ACER3: variants seen among roughly 807,000 people sequenced by gnomAD.
ACER3 encodes alkCDase 3.
ACER3 carries 16 observed loss-of-function variants against 48.9 expected under a neutral mutation model. The observed-to-expected ratio is 0.33, with a 90% CI of 0.22 to 0.50. The LOEUF is 0.50. Among genes scored for constraint, ACER3 ranks in the 20% least tolerant of loss-of-function variants. The pLI, the probability that ACER3 is intolerant of heterozygous loss-of-function variation, is 0.98. For missense variants in ACER3, 227 were observed against 326.0 expected, an observed-to-expected ratio of 0.70 and a Z score of 2.34; for synonymous variants, 109 against 107.8, an observed-to-expected ratio of 1.01 and a Z score of -0.07.
Position 76,902,240 on chromosome 11 carries a change from T to G in ACER3, c.104-24317T>G, listed in dbSNP as rs796480919. ...CTAAAATTATCAAACCATCCTATGC[T>G]GGCATTAAATCTCCAGCTTTAGATC... On this transcript the variant is annotated intron_variant, in intron 1 of 10. Coordinates refer to ENST00000532485, the MANE Select transcript of ACER3 (RefSeq NM_018367.7). Among the ~76,000 whole-genome samples the G allele has an allele frequency of 9.8e-5, 15 of 152,306 alleles. No individual in the cohort carries two copies. The South Asian group carries it at 3.1e-3, about 32-fold the overall frequency.
chr11:76,914,963 T>C (rs1278913111), intron 1 of ACER3, among the ~76,000 whole-genome samples: 5 of 152,002 alleles, frequency 3.3e-5, no homozygotes, highest in Admixed American at 6.6e-5. Flanking sequence ...AACCAAACAC[T>C]GCATGTTCTC....
chr11:76,908,079 T>C (rs917768856), intron 1 of ACER3, among the ~76,000 whole-genome samples: 1 of 151,796 alleles, frequency 6.6e-6, no homozygotes, highest in Non-Finnish European at 1.5e-5. Context: ...CTACTAAAAA[T>C]AAAAAAATTA....
chr11:76,953,657 C>T, intron 2 of ACER3, among the ~76,000 whole-genome samples: 1 of 152,088 alleles, frequency 6.6e-6, no homozygotes, highest in Non-Finnish European at 1.5e-5. Flanking sequence ...TTCTTTACCT[C>T]ACTTTTTAAA....
intron 3 of ACER3, among the ~76,000 whole-genome samples, chr11:76,960,106 G>GA (rs1454772028): frequency 6.6e-6 from 1 of 152,230 alleles, no homozygotes; most frequent in African/African-American, 2.4e-5. Flanking sequence ...AGAAATGGGT[G>GA]AAAATAATAA....
intron 2 of ACER3, among the ~76,000 whole-genome samples, chr11:76,934,571 G>A (rs1947121349): frequency 6.6e-6 from 1 of 152,236 alleles, no homozygotes; most frequent in Non-Finnish European, 1.5e-5. Flanking sequence ...TGCAATCGCA[G>A]GCACTCGGCA....
chr11:76,924,583 A>G (rs1011634101), intron 1 of ACER3, among the ~76,000 whole-genome samples: 2 of 152,080 alleles, frequency 1.3e-5, no homozygotes, highest in African/African-American at 4.8e-5. Context: ...CTGGATCTGT[A>G]AATTTAAGAT....
intron 2 of ACER3, among the ~76,000 whole-genome samples, chr11:76,936,721 C>CTTTCT (rs1947196423): frequency 1.4e-5 from 2 of 143,350 alleles, no homozygotes; most frequent in South Asian, 2.2e-4. Context: ...TTCTTTCTTT[C>CTTTCT]TTTTTTTTTT....
chr11:76,867,489 A>G (rs989357912), intron 1 of ACER3, among the ~76,000 whole-genome samples: 9,219 of 126,348 alleles, frequency 0.073, 535 homozygotes, highest in East Asian at 0.13. Context: ...AAAAAAAAAA[A>G]AAAAAAAAGA....
intron 1 of ACER3, among the ~76,000 whole-genome samples, chr11:76,892,682 A>G (rs1222433027): frequency 2.0e-5 from 3 of 152,174 alleles, no homozygotes; most frequent in African/African-American, 7.2e-5. Flanking sequence ...GAGATTTGGG[A>G]ATTTTTTTTA....
chr11:76,927,458 G>GCT (rs1555002653), intron 2 of ACER3, among the ~76,000 whole-genome samples: 4 of 151,506 alleles, frequency 2.6e-5, no homozygotes, highest in Non-Finnish European at 5.9e-5. Context: ...TTTCTATTCT[G>GCT]TTTTTTTTAT....
At chr11:77,016,470 T>C (rs575330712) in intron 8 of ACER3, among the ~76,000 whole-genome samples, 1 of 152,312 alleles carries the variant, frequency 6.6e-6, no homozygotes, top group South Asian at 2.1e-4. Context: ...AGGGTTTAGA[T>C]GACACAGATT....
At chr11:76,937,935 G>T (rs967986139) in intron 2 of ACER3, among the ~76,000 whole-genome samples, 2 of 152,156 alleles carry the variant, frequency 1.3e-5, no homozygotes, top group Non-Finnish European at 2.9e-5. Flanking sequence ...TATGTTTATT[G>T]TTGGTAGTGG....
intron 1 of ACER3, among the ~76,000 whole-genome samples, chr11:76,921,764 T>C (rs1236935911): frequency 6.6e-6 from 1 of 152,170 alleles, no homozygotes; most frequent in East Asian, 1.9e-4. Flanking sequence ...TATTCCTAGA[T>C]ATGTGATGTG....
chr11:76,957,637 T>A (rs1286350903), intron 2 of ACER3: 2 of 267,606 alleles, frequency 7.5e-6, no homozygotes, highest in African/African-American at 4.5e-5. Flanking sequence ...AGAGATGGGG[T>A]TTCACCATGT....
Position 76,933,828 on chromosome 11 carries a change from G to A in ACER3, c.214+7161G>A, listed in dbSNP as rs1429930942. Among the ~76,000 whole-genome samples the A allele has an allele frequency of 5.9e-3, 880 of 149,226 alleles. 7 individuals carry two copies. The highest frequency in any genetic ancestry group is 0.02 in the African/African-American group (818 of 40,514). ...CTCCCAGACGGGGTGGCTGCCGGGC[G>A]GAGGGGCTCCTCACTTCCCAGACGG... On this transcript the variant is annotated intron_variant, in intron 2 of 10. Coordinates refer to ENST00000532485, the MANE Select transcript of ACER3 (RefSeq NM_018367.7).
chr11:76,966,043 T>TA (rs1948129575), intron 3 of ACER3, among the ~76,000 whole-genome samples: 3 of 151,288 alleles, frequency 2.0e-5, no homozygotes, highest in Non-Finnish European at 4.4e-5. Context: ...GACCCATCAG[T>TA]GTGCTGTATT....
intron 4 of ACER3, among the ~76,000 whole-genome samples, chr11:76,977,351 A>G (rs1167244289): frequency 6.6e-6 from 1 of 152,080 alleles, no homozygotes; most frequent in Non-Finnish European, 1.5e-5. Flanking sequence ...TAGAAGTGAG[A>G]CCCTTCCTGT....
chr11:77,006,204 G>C (rs1949145995), intron 7 of ACER3, among the ~76,000 whole-genome samples: 1 of 151,156 alleles, frequency 6.6e-6, no homozygotes, highest in African/African-American at 2.4e-5. Flanking sequence ...GGCCAGGCGG[G>C]TCTCAAACTC....
chr11:77,013,209 C>T (rs978485498), intron 7 of ACER3, among the ~76,000 whole-genome samples: 8 of 151,836 alleles, frequency 5.3e-5, no homozygotes, highest in Admixed American at 1.3e-4. Context: ...ATTTTTGGTT[C>T]GGCAAAGATT....
Sources: allele counts gnomAD v4.1 joint callset (sites outside exome capture counted in the v4.1 genomes callset), GRCh38; gene constraint gnomAD v4.1.1; transcripts MANE v1.5; gene names NCBI Gene and HGNC (gene_info 2026-07-23, HGNC 2026-07-21).